Variants in CDH10 observed in about 807,000 individuals in gnomAD.
The protein encoded by CDH10 is cadherin-10.
In CDH10, 30 loss-of-function variants were observed where a neutral mutation model predicts 73.1. The observed-to-expected ratio is 0.41, with a 90% confidence interval of 0.31 to 0.56. The LOEUF is 0.56. Ranked by LOEUF, CDH10 falls within the 20% of genes least tolerant of loss-of-function variation. The probability of loss-of-function intolerance (pLI) is 0.27; values close to 1 mark genes in which losing one functional copy is unlikely to be tolerated. For missense variants in CDH10, 815 were observed against 973.7 expected (o/e 0.84, Z 2.17); for synonymous variants, 345 against 348.2 (o/e 0.99, Z 0.10).
At chr5:24,586,970 G>C (rs571099938) in intron 2 of CDH10, among the ~76,000 whole-genome samples, 3 of 147,496 alleles carry the variant, frequency 2.0e-5, no homozygotes, top group Non-Finnish European at 4.5e-5. Flanking sequence ...TCAGCCTCCC[G>C]AGTAGCTGGG....
intron 5 of CDH10, among the ~76,000 whole-genome samples, chr5:24,531,913 CTT>C (rs1464900597): frequency 6.6e-6 from 1 of 152,066 alleles, no homozygotes; most frequent in African/African-American, 2.4e-5. Context: ...CCAGATAACT[CTT>C]TGTCATTAAA....
At chr5:24,505,390 G>T (rs774088289) in intron 7 of CDH10, 142 bp from the exon 8 acceptor site, 203 of 695,112 alleles carry the variant, frequency 2.9e-4, no homozygotes, top group Non-Finnish European at 4.6e-4. Context: ...TTGTTTGAAT[G>T]ACTTTTCCTA....
At chr5:24,600,972 T>C (rs963000286) in intron 1 of CDH10, among the ~76,000 whole-genome samples, 15 of 152,014 alleles carry the variant, frequency 9.9e-5, no homozygotes, top group Admixed American at 7.9e-4. Flanking sequence ...AGGCAGTTTG[T>C]ATATGTGGCT....
At chr5:24,505,457 C>T (rs1158174919) in intron 7 of CDH10, among the ~76,000 whole-genome samples, 1 of 152,188 alleles carries the variant, frequency 6.6e-6, no homozygotes, top group South Asian at 2.1e-4. Context: ...CATTTCAATG[C>T]TATTCTTCTG....
intron 2 of CDH10, among the ~76,000 whole-genome samples, chr5:24,572,012 T>C (rs1306966256): frequency 6.6e-6 from 1 of 151,800 alleles, no homozygotes; most frequent in East Asian, 1.9e-4. Flanking sequence ...CTCAAATTTA[T>C]GTAAAATTTT....
chr5:24,536,194 C>A (rs73067142), intron 3 of CDH10, among the ~76,000 whole-genome samples: 2 of 151,850 alleles, frequency 1.3e-5, no homozygotes, highest in Admixed American at 1.3e-4. Flanking sequence ...TTCTTCTTCC[C>A]CCTCTCCACT....
chr5:24,500,924 A>G (rs201782102), intron 8 of CDH10, among the ~76,000 whole-genome samples: 4,573 of 142,638 alleles, frequency 0.032, 121 homozygotes, highest in East Asian at 0.09. Flanking sequence ...GAGAGGAGGG[A>G]AAATAAAAAG....
intron 1 of CDH10, among the ~76,000 whole-genome samples, chr5:24,604,871 TAAAAAAA>T (rs71576696): frequency 1.7e-5 from 2 of 116,334 alleles, no homozygotes; most frequent in African/African-American, 9.0e-5. Context: ...AAGATGTCTC[TAAAAAAA>T]AAAAAAAAAA....
chr5:24,615,574 A>G (rs777969664), intron 1 of CDH10, among the ~76,000 whole-genome samples: 7 of 152,204 alleles, frequency 4.6e-5, no homozygotes, highest in Admixed American at 1.3e-4. Flanking sequence ...AATGACTTCA[A>G]TTCTTTCTAA....
At chr5:24,575,062 A>T (rs974715331) in intron 2 of CDH10, among the ~76,000 whole-genome samples, 1 of 152,036 alleles carries the variant, frequency 6.6e-6, no homozygotes, top group Non-Finnish European at 1.5e-5. Context: ...CACATTCAAA[A>T]TGTCTCCTGC....
chr5:24,511,591 G>GAT (rs1742913072), intron 5 of CDH10, 77 bp from the exon 6 acceptor site: 1 of 658,432 alleles, frequency 1.5e-6, no homozygotes, highest in Non-Finnish European at 2.5e-6. Flanking sequence ...GAGAGAGAGA[G>GAT]ATTTCTCAAT....
chr5:24,587,550 T>C (rs1274672096), intron 2 of CDH10, among the ~76,000 whole-genome samples: 1 of 152,132 alleles, frequency 6.6e-6, no homozygotes, highest in Non-Finnish European at 1.5e-5. Flanking sequence ...TATTGATAAA[T>C]TATATTGAGA....
At chr5:24,569,207 T>G (rs1400730547) in intron 2 of CDH10, among the ~76,000 whole-genome samples, 1 of 152,010 alleles carries the variant, frequency 6.6e-6, no homozygotes, top group Non-Finnish European at 1.5e-5. Context: ...AATAAGCAAA[T>G]TTATAGAGAC....
chr5:24,558,108 A>G (rs1030835554), intron 2 of CDH10, among the ~76,000 whole-genome samples: 1 of 151,832 alleles, frequency 6.6e-6, no homozygotes, highest in South Asian at 2.1e-4. Flanking sequence ...ATGTAGAATA[A>G]TAAGTACAAG....
intron 2 of CDH10, among the ~76,000 whole-genome samples, chr5:24,553,426 C>A (rs1159452111): frequency 1.3e-5 from 2 of 152,004 alleles, no homozygotes; most frequent in Non-Finnish European, 2.9e-5. Flanking sequence ...TTTTGGAATT[C>A]CTGTTTATTA....
chr5:24,507,125 T>C (rs1025660890), intron 7 of CDH10, among the ~76,000 whole-genome samples: 2 of 152,166 alleles, frequency 1.3e-5, no homozygotes, highest in Non-Finnish European at 2.9e-5. Flanking sequence ...TCACAAGATA[T>C]GACACAATTT....
intron 2 of CDH10, among the ~76,000 whole-genome samples, chr5:24,553,531 T>G (rs757588407): frequency 2.0e-5 from 3 of 152,206 alleles, no homozygotes; most frequent in Non-Finnish European, 4.4e-5. Context: ...TAGAGCATTT[T>G]CCTGTTATTC....
intron 5 of CDH10, among the ~76,000 whole-genome samples, chr5:24,518,110 T>C (rs544729669): frequency 6.6e-6 from 1 of 152,168 alleles, no homozygotes; most frequent in East Asian, 1.9e-4. Context: ...TGAGGGAGAT[T>C]CTGTGTACAG....
chr5:24,626,780 CTA>C (rs35149680), intron 1 of CDH10, among the ~76,000 whole-genome samples: 51 of 145,778 alleles, frequency 3.5e-4, no homozygotes, highest in Non-Finnish European at 6.1e-4. Context: ...TCTCAAAAAC[CTA>C]TATATATATA....
Sources: allele counts gnomAD v4.1 joint callset (sites outside exome capture counted in the v4.1 genomes callset), GRCh38; gene constraint gnomAD v4.1.1; transcripts MANE v1.5; gene names NCBI Gene and HGNC (gene_info 2026-07-23, HGNC 2026-07-21).